COL28A1: variants seen among roughly 807,000 people sequenced by gnomAD.
The protein encoded by COL28A1 is collagen alpha-1(XXVIII) chain.
Under a neutral mutation model 150.2 loss-of-function variants are expected in COL28A1, and 161 were observed. The observed-to-expected ratio is 1.07, with a 90% confidence interval of 0.94 to 1.22. The LOEUF is 1.22. Ranked by LOEUF, COL28A1 falls within the 50% of genes most tolerant of loss-of-function variation. The pLI is 0.00. For synonymous variants in COL28A1, 552 were observed against 469.7 expected (o/e 1.18, Z -2.26); for missense variants, 1,617 against 1,388.3 (o/e 1.16, Z -2.62).
chr7:7,452,424 AAAT>A, intron 17 of COL28A1, 37 bp from the exon 18 acceptor site: 1 of 1,570,896 alleles, frequency 6.4e-7, no homozygotes, highest in Non-Finnish European at 8.6e-7. Flanking sequence ...AGCAAAGTGA[AAAT>A]AATATATTCC....
chr7:7,349,262 T>A, the COL28A1 span, among the ~76,000 whole-genome samples: 2 of 152,126 alleles, frequency 1.3e-5, no homozygotes, highest in Non-Finnish European at 2.9e-5. Context: ...TTTAAGTTTA[T>A]TAGCACCTAT....
chr7:7,462,797 T>C (rs1787740579), intron 15 of COL28A1, among the ~76,000 whole-genome samples: 1 of 150,158 alleles, frequency 6.7e-6, no homozygotes, highest in Non-Finnish European at 1.5e-5. Context: ...AGGCAGAAGT[T>C]GTGGTGAGAG....
chr7:7,353,799 TA>T (rs1372826623), downstream of COL28A1, among the ~76,000 whole-genome samples: 1 of 152,114 alleles, frequency 6.6e-6, no homozygotes, highest in East Asian at 1.9e-4. Context: ...GAAATGTAAG[TA>T]CTTTTTCTCC....
At chr7:7,396,397 G>A (rs916185424) in intron 27 of COL28A1, among the ~76,000 whole-genome samples, 2 of 152,106 alleles carry the variant, frequency 1.3e-5, no homozygotes, top group African/African-American at 2.4e-5. Flanking sequence ...CAGTCCCTCC[G>A]AACAAAGGCT....
At chr7:7,542,843 G>T in the COL28A1 span, among the ~76,000 whole-genome samples, 1 of 152,126 alleles carries the variant, frequency 6.6e-6, no homozygotes. Flanking sequence ...AGGCTCTCAA[G>T]TACCAGCAAT....
intron 23 of COL28A1, among the ~76,000 whole-genome samples, chr7:7,432,942 G>T (rs112478214): frequency 1.7e-4 from 16 of 95,726 alleles, no homozygotes; most frequent in African/African-American, 6.8e-4. Context: ...AGAATACATA[G>T]CAAAATTTTG....
At chr7:7,496,654 G>A (rs1017078386) in intron 11 of COL28A1, among the ~76,000 whole-genome samples, 4 of 152,062 alleles carry the variant, frequency 2.6e-5, no homozygotes, top group African/African-American at 9.7e-5. Flanking sequence ...CTAACCAAAA[G>A]CAAATCCTTC....
intron 25 of COL28A1, among the ~76,000 whole-genome samples, chr7:7,426,696 A>G (rs1187651435): frequency 6.6e-6 from 1 of 152,190 alleles, no homozygotes; most frequent in Non-Finnish European, 1.5e-5. Flanking sequence ...ATCTCCTAAA[A>G]CTTTAATATT....
At chr7:7,454,323 C>A (rs978757946) in intron 16 of COL28A1, among the ~76,000 whole-genome samples, 1 of 152,002 alleles carries the variant, frequency 6.6e-6, no homozygotes, top group Non-Finnish European at 1.5e-5. Context: ...ATAAACACAT[C>A]AAATTAAAGA....
intron 3 of COL28A1, among the ~76,000 whole-genome samples, chr7:7,527,906 C>T (rs746339480): frequency 3.9e-5 from 6 of 152,032 alleles, no homozygotes; most frequent in Non-Finnish European, 5.9e-5. Context: ...GCAAGGGGAA[C>T]AAACCCTGTG....
intron 15 of COL28A1, among the ~76,000 whole-genome samples, chr7:7,465,161 A>G (rs1342177856): frequency 6.6e-6 from 1 of 151,054 alleles, no homozygotes; most frequent in Non-Finnish European, 1.5e-5. Context: ...GCGACGCAGA[A>G]GACGGGTGAT....
chr7:7,395,767 C>T (rs1320955426), intron 27 of COL28A1, among the ~76,000 whole-genome samples: 1 of 152,156 alleles, frequency 6.6e-6, no homozygotes, highest in Non-Finnish European at 1.5e-5. Context: ...TTTTTCATGG[C>T]CCCCAAAACA....
chr7:7,342,015 T>C, the COL28A1 span, among the ~76,000 whole-genome samples: 1 of 152,156 alleles, frequency 6.6e-6, no homozygotes, highest in Non-Finnish European at 1.5e-5. Flanking sequence ...TTGTGTGTGT[T>C]ATTCTTTCAG....
chr7:7,341,366 C>T, the COL28A1 span, among the ~76,000 whole-genome samples: 93,322 of 151,910 alleles, frequency 0.61, 32,759 homozygotes, highest in East Asian at 0.87. Flanking sequence ...TTTGCTGATG[C>T]TTTTATCATC....
Position 7,520,127 on chromosome 7 carries a change from G to T in COL28A1, c.760-12C>A. 1 of 1,189,396 alleles carries T rather than the reference G, an allele frequency of 8.4e-7. No homozygotes were observed. Among genetic ancestry groups the T allele is most frequent in the Non-Finnish European group, 1.3e-6 (1 of 797,528 alleles). 73.7% of individuals were successfully genotyped at this position (1,189,396 alleles called of 1,614,324 possible). On this transcript the variant is annotated splice_polypyrimidine_tract_variant and intron_variant, in intron 5 of 34. Transcript: ENST00000399429. ...TTTCCATGTGTACCCTGAAGGCAAA[G>T]GGAAAAAATATTATTTTAAGTAGGA...
intron 28 of COL28A1, among the ~76,000 whole-genome samples, 158 bp downstream of exon 28, chr7:7,381,386 G>C (rs533189077): frequency 6.9e-4 from 105 of 152,336 alleles, no homozygotes; most frequent in African/African-American, 2.5e-3. Context: ...TTTATAGGTA[G>C]ACAAAGCAAT....
intron 15 of COL28A1, among the ~76,000 whole-genome samples, chr7:7,471,839 G>T: frequency 6.6e-6 from 1 of 152,192 alleles, no homozygotes; most frequent in East Asian, 1.9e-4. Flanking sequence ...AGGTTGCAGT[G>T]AACTGAGATG....
chr7:7,423,185 T>G (rs1784470357), intron 25 of COL28A1, among the ~76,000 whole-genome samples: 1 of 152,228 alleles, frequency 6.6e-6, no homozygotes, highest in Non-Finnish European at 1.5e-5. Flanking sequence ...GGATGATGTC[T>G]GAGGATTGCT....
At chr7:7,416,903 AAGG>A (rs1290845125) in intron 27 of COL28A1, among the ~76,000 whole-genome samples, 3 of 152,194 alleles carry the variant, frequency 2.0e-5, no homozygotes, top group Non-Finnish European at 4.4e-5. Flanking sequence ...GCTATTTGAA[AAGG>A]AGTTTATTTT....
Sources: allele counts gnomAD v4.1 joint callset (sites outside exome capture counted in the v4.1 genomes callset), GRCh38; gene constraint gnomAD v4.1.1; transcripts MANE v1.5; gene names NCBI Gene and HGNC (gene_info 2026-07-23, HGNC 2026-07-21).